GLT1D1: variants seen among roughly 807,000 people sequenced by gnomAD.
GLT1D1 encodes glycosyltransferase 1 domain-containing protein 1.
In GLT1D1, 21 loss-of-function variants were observed where a neutral mutation model predicts 28.7. The observed-to-expected ratio is 0.73, with a 90% CI of 0.52 to 1.05. GLT1D1 has a LOEUF of 1.05. Ranked by LOEUF, GLT1D1 falls within the 50% of genes least tolerant of loss-of-function variation. The pLI is 0.00. For synonymous variants in GLT1D1, 147 were observed against 124.8 expected (o/e 1.18, Z -1.19); for missense variants, 343 against 330.6 (o/e 1.04, Z -0.29).
intron 3 of GLT1D1, among the ~76,000 whole-genome samples, chr12:128,897,475 G>T (rs1169810650): frequency 6.6e-6 from 1 of 151,588 alleles, no homozygotes; most frequent in Non-Finnish European, 1.5e-5. Context: ...TAATGTCATA[G>T]CTTTTTATGC....
chr12:128,980,428 A>C (rs1404290471), intron 7 of GLT1D1, among the ~76,000 whole-genome samples: 1 of 152,216 alleles, frequency 6.6e-6, no homozygotes, highest in Non-Finnish European at 1.5e-5. Flanking sequence ...TGTAACTAAG[A>C]ATCCCAAAAG....
chr12:128,948,162 C>T lies in GLT1D1; in HGVS notation c.540+704C>T, dbSNP rs553452596. On this transcript the variant is annotated intron_variant, in intron 6 of 7. Transcript: ENST00000281703. Reference sequence around the variant, plus strand: ...TTCTGTAAAAGATCCTGGCAATCCTCGCATTCCCTTTGCAATGGGACCACC... The same window carrying T: ...TTCTGTAAAAGATCCTGGCAATCCTTGCATTCCCTTTGCAATGGGACCACC... Among the ~76,000 whole-genome samples, 17 of 152,256 alleles carry T rather than the reference C, an allele frequency of 1.1e-4. No individual in the cohort carries two copies. In the South Asian group the frequency reaches 2.9e-3, roughly 26 times the overall value.
intron 6 of GLT1D1, among the ~76,000 whole-genome samples, chr12:128,950,769 A>G (rs1357088648): frequency 6.6e-6 from 1 of 152,232 alleles, no homozygotes; most frequent in Non-Finnish European, 1.5e-5. Flanking sequence ...AAAGAGTCTC[A>G]AATGAAGTTT....
chr12:128,903,879 C>T (rs1003385199), intron 4 of GLT1D1, among the ~76,000 whole-genome samples: 3 of 151,742 alleles, frequency 2.0e-5, no homozygotes, highest in African/African-American at 7.3e-5. Flanking sequence ...TACAGGCTCC[C>T]GCCATCATGC....
chr12:128,872,765 C>T (rs879352818), intron 1 of GLT1D1, among the ~76,000 whole-genome samples: 6 of 152,172 alleles, frequency 3.9e-5, no homozygotes, highest in Non-Finnish European at 8.8e-5. Context: ...CACACTCACA[C>T]ACATACACAC....
In GLT1D1 at chr12:128,977,988, T is replaced by A. The variant is rs564816045; in HGVS notation, c.640-4941T>A. ...TTGGTAGAGACAGGGTTTAACCATG[T>A]TGGCCAGGTTGGTCTGGAACTCCTG... On this transcript the variant is annotated intron_variant, in intron 7 of 7. Coordinates refer to ENST00000281703, the MANE Select transcript of GLT1D1 (RefSeq NM_144669.3). 2.3e-3 allele frequency among the ~76,000 whole-genome samples: 347 copies of A among 152,032 alleles called. 1 individual carries two copies. The highest frequency in any genetic ancestry group is 8.1e-3 in the African/African-American group (334 of 41,478).
At chr12:128,853,811 G>T (rs556802230) in intron 1 of GLT1D1, among the ~76,000 whole-genome samples, 162 bp downstream of exon 1, 2 of 152,010 alleles carry the variant, frequency 1.3e-5, no homozygotes, top group South Asian at 4.1e-4. Context: ...CCTGCCGGGC[G>T]CGCGGGGGTC....
At chr12:128,872,012 C>T (rs1387568266) in intron 1 of GLT1D1, among the ~76,000 whole-genome samples, 1 of 151,520 alleles carries the variant, frequency 6.6e-6, no homozygotes, top group Non-Finnish European at 1.5e-5. Context: ...AGTGCAGTGG[C>T]GCGATCTCGG....
At chr12:128,861,596 T>C (rs1956374140) in intron 1 of GLT1D1, among the ~76,000 whole-genome samples, 1 of 152,208 alleles carries the variant, frequency 6.6e-6, no homozygotes, top group Non-Finnish European at 1.5e-5. Flanking sequence ...GTCACACTCA[T>C]AGCTGGACTT....
chr12:128,935,556 G>A lies in GLT1D1; in HGVS notation c.376-9770G>A, dbSNP rs865803859. On this transcript the variant is annotated intron_variant, in intron 4 of 7. Coordinates refer to ENST00000281703, the MANE Select transcript of GLT1D1 (RefSeq NM_144669.3). ...TCTGTCTCAAAAAAAAAAAAAAAAA[G>A]AACAATAGAGTAGAGATGTTCTTAG... Among the ~76,000 whole-genome samples the A allele has an allele frequency of 6.4e-3, 944 of 146,676 alleles. 17 individuals carry two copies. Among genetic ancestry groups the A allele is most frequent in the African/African-American group, 0.023 (900 of 39,726 alleles).
intron 1 of GLT1D1, among the ~76,000 whole-genome samples, chr12:128,868,293 C>T (rs760993806): frequency 7.9e-5 from 12 of 152,186 alleles, no homozygotes; most frequent in East Asian, 1.9e-4. Flanking sequence ...CAGAATTGAA[C>T]GTCTAGGGGT....
intron 4 of GLT1D1, among the ~76,000 whole-genome samples, chr12:128,908,690 C>T (rs1003013290): frequency 6.6e-6 from 1 of 152,020 alleles, no homozygotes; most frequent in African/African-American, 2.4e-5. Context: ...TGGCTCACGC[C>T]TGTAATCCCA....
chr12:128,877,193 T>A (rs573050143), intron 2 of GLT1D1, among the ~76,000 whole-genome samples: 5 of 152,204 alleles, frequency 3.3e-5, no homozygotes, highest in Admixed American at 6.5e-5. Flanking sequence ...GCAAGACAGA[T>A]ATTTTTGTTA....
rs149319322 is a variant in GLT1D1, at chr12:128,931,148, C to G, written c.376-14178C>G. On this transcript the variant is annotated intron_variant, in intron 4 of 7. Coordinates refer to ENST00000281703, the MANE Select transcript of GLT1D1 (RefSeq NM_144669.3). ...TCCTTAGTAGCCGGGACTACAGGCA[C>G]GTGCTACCACGCCTGGCTAATTTTT... is the stretch of plus-strand genomic sequence containing the variant. 2.1e-3 allele frequency among the ~76,000 whole-genome samples: 313 copies of G among 151,854 alleles called. 2 individuals carry two copies. Among genetic ancestry groups the G allele is most frequent in the African/African-American group, 6.7e-3 (276 of 41,404 alleles).
At chr12:128,909,064 C>T (rs1335395781) in intron 4 of GLT1D1, among the ~76,000 whole-genome samples, 2 of 152,212 alleles carry the variant, frequency 1.3e-5, no homozygotes, top group Non-Finnish European at 2.9e-5. Context: ...CTGTGCCATC[C>T]ATCTATAATG....
intron 4 of GLT1D1, among the ~76,000 whole-genome samples, chr12:128,904,860 C>T (rs1339013182): frequency 1.3e-5 from 2 of 152,122 alleles, no homozygotes; most frequent in African/African-American, 4.8e-5. Flanking sequence ...TCTTGAACTC[C>T]CAACCTCAGG....
intron 7 of GLT1D1, among the ~76,000 whole-genome samples, chr12:128,964,913 G>A (rs1225192159): frequency 6.6e-6 from 1 of 152,176 alleles, no homozygotes; most frequent in Non-Finnish European, 1.5e-5. Context: ...GTGAGAGTGT[G>A]CAATGCATTG....
At chr12:128,959,485 GCTGGC>G (rs1877711441) in intron 7 of GLT1D1, among the ~76,000 whole-genome samples, 2 of 117,950 alleles carry the variant, frequency 1.7e-5, no homozygotes, top group South Asian at 3.5e-4. Context: ...GGGAGTGGGG[GCTGGC>G]AGGGGGTGGG....
chr12:128,930,971 C>T (rs955300788), intron 4 of GLT1D1, among the ~76,000 whole-genome samples: 1 of 151,102 alleles, frequency 6.6e-6, no homozygotes, highest in Admixed American at 6.6e-5. Context: ...TTTCACCTCC[C>T]GGAGGAAATA....
Sources: gnomAD v4.1 joint callset for allele counts (sites outside exome capture counted in the v4.1 genomes callset) on GRCh38, gnomAD v4.1.1 for gene constraint, MANE v1.5 for transcripts, NCBI Gene and HGNC (gene_info 2026-07-23, HGNC 2026-07-21) for gene names.